GNB1: variants seen among roughly 807,000 people sequenced by gnomAD.
GNB1 encodes the protein G protein subunit beta 1.
A neutral mutation model predicts 42.9 loss-of-function variants in GNB1; 2 were observed. The observed-to-expected ratio is 0.05, with a 90% CI of 0.02 to 0.15. The LOEUF (loss-of-function observed/expected upper bound fraction) is 0.15, where lower values mean the gene tolerates loss of function less well. GNB1 is among the 10% of genes least tolerant of loss of function. GNB1 has a pLI of 1.00. For synonymous variants in GNB1, 183 were observed against 174.7 expected (o/e 1.05, Z -0.38); for missense variants, 193 against 462.2 (o/e 0.42, Z 5.34).
intron 7 of GNB1, among the ~76,000 whole-genome samples, chr1:1,803,225 G>A (rs1336928312): frequency 6.6e-6 from 1 of 152,228 alleles, no homozygotes; most frequent in Non-Finnish European, 1.5e-5. Flanking sequence ...TGCCTTTCAT[G>A]ATGAATTAGT....
intron 6 of GNB1, among the ~76,000 whole-genome samples, chr1:1,804,850 G>A (rs1310760612): frequency 2.0e-5 from 3 of 152,200 alleles, no homozygotes; most frequent in Non-Finnish European, 4.4e-5. Flanking sequence ...CTTAACAGTA[G>A]TGCTGCCCAC....
intron 3 of GNB1, among the ~76,000 whole-genome samples, chr1:1,819,125 C>T (rs146495501): frequency 3.3e-5 from 5 of 151,642 alleles, no homozygotes; most frequent in South Asian, 4.2e-4. Context: ...AGAGAACGTA[C>T]GTTTAGAAAT....
At chr1:1,816,392 T>C (rs925637102) in intron 4 of GNB1, among the ~76,000 whole-genome samples, 1 of 152,174 alleles carries the variant, frequency 6.6e-6, no homozygotes, top group Admixed American at 6.5e-5. Flanking sequence ...TGAGTTTAGG[T>C]TGGCAAACGG....
chr1:1,815,825 A>G lies in GNB1; in HGVS notation c.134T>C (p.Met45Thr), dbSNP rs755237620. ...CCCCCGCAGTGTCCTCCTCGTGCGCATTTGGATTCTTCCCACTGGGTCGAT... is the reference window on the plus strand; with the variant it reads ...CCCCCGCAGTGTCCTCCTCGTGCGCGTTTGGATTCTTCCCACTGGGTCGAT... ...NNIDPVGRIQ[M>T]RTRRTLRGHL... Residue 45 changes from methionine to threonine, a missense_variant, in exon 5 of 12, where the codon ATG (methionine) becomes ACG (threonine). Met to Thr is a moderately conservative substitution (Grantham distance 81). Transcript: ENST00000378609. The G allele has an allele frequency of 6.2e-7, 1 of 1,610,762 alleles. No homozygotes were observed. The highest frequency in any genetic ancestry group is 8.5e-7 in the Non-Finnish European group (1 of 1,176,912).
intron 1 of GNB1, among the ~76,000 whole-genome samples, chr1:1,889,401 A>G (rs935262526): frequency 9.2e-5 from 14 of 152,352 alleles, no homozygotes; most frequent in Admixed American, 3.3e-4. Flanking sequence ...CTATTTACCC[A>G]TAAGTCCAGT....
intron 5 of GNB1, among the ~76,000 whole-genome samples, chr1:1,807,512 C>CAAAAAAAA (rs1646718172): frequency 7.5e-6 from 1 of 132,878 alleles, no homozygotes; most frequent in African/African-American, 3.1e-5. Context: ...AAGAACAAAC[C>CAAAAAAAA]ACTTTTAGAC....
intron 2 of GNB1, among the ~76,000 whole-genome samples, chr1:1,829,004 C>T (rs928552802): frequency 6.6e-6 from 1 of 152,080 alleles, no homozygotes; most frequent in Non-Finnish European, 1.5e-5. Flanking sequence ...TCAGGCATTT[C>T]AATTTTTTTA....
intron 2 of GNB1, among the ~76,000 whole-genome samples, chr1:1,826,650 C>T (rs1275542198): frequency 5.9e-5 from 9 of 152,128 alleles, no homozygotes; most frequent in Non-Finnish European, 1.3e-4. Context: ...CCCACTCTCC[C>T]ACCCAAGTGA....
chr1:1,828,550 T>A (rs1410260013), intron 2 of GNB1, among the ~76,000 whole-genome samples: 2 of 152,184 alleles, frequency 1.3e-5, no homozygotes, highest in African/African-American at 4.8e-5. Context: ...ATGAGCTCAA[T>A]ATAACTTAGT....
intron 2 of GNB1, among the ~76,000 whole-genome samples, chr1:1,826,865 CAAGATCTTAGCTGTTAATGTATGACTG>C (rs1235258877): frequency 6.6e-6 from 1 of 152,100 alleles, no homozygotes; most frequent in African/African-American, 2.4e-5. Flanking sequence ...CATTTCTGAC[CAAGATCTTAGCTGTTAATGTATGACTG>C]AAGATCTTGG....
At chr1:1,810,658 T>G (rs1570650784) in intron 5 of GNB1, among the ~76,000 whole-genome samples, 1 of 150,794 alleles carries the variant, frequency 6.6e-6, no homozygotes, top group Non-Finnish European at 1.5e-5. Context: ...GGGCCTTGCA[T>G]GTAGTTTTCT....
At chr1:1,813,972 T>C (rs891175670) in intron 5 of GNB1, among the ~76,000 whole-genome samples, 3 of 152,222 alleles carry the variant, frequency 2.0e-5, no homozygotes, top group Admixed American at 6.5e-5. Context: ...TTACTAACAA[T>C]TTTGAAACAC....
At chr1:1,824,701 T>G (rs553645663) in intron 3 of GNB1, among the ~76,000 whole-genome samples, 2 of 152,156 alleles carry the variant, frequency 1.3e-5, no homozygotes, top group East Asian at 3.9e-4. Context: ...GCCTCCTGAG[T>G]AGCTGGGAAT....
intron 3 of GNB1, 95 bp from the exon 4 acceptor site, chr1:1,817,970 C>A: frequency 1.1e-6 from 1 of 928,716 alleles, no homozygotes; most frequent in Non-Finnish European, 1.8e-6. Flanking sequence ...CTTTCCTAAG[C>A]TGTCAGGAGC....
intron 1 of GNB1, among the ~76,000 whole-genome samples, chr1:1,864,350 C>G (rs12036384): frequency 8.2e-6 from 1 of 122,376 alleles, no homozygotes; most frequent in Non-Finnish European, 1.8e-5. Flanking sequence ...GAAAACCCCA[C>G]GAAAAAACTA....
rs186894090 is a variant in GNB1 at position 1,790,584 on chromosome 1, G to A, written c.510C>T (p.Asp170=). The change falls in exon 9 of 12, where the codon GAC becomes GAT. Residue 170 remains aspartate (D), a synonymous_variant. Coordinates refer to ENST00000378609, the MANE Select transcript of GNB1 (RefSeq NM_002074.5). The surrounding 1 kb of genome is among the most constrained non-coding windows in gnomAD (Gnocchi z 5.4). ...SSGDTTCALW[D]IETGQQTTTF... ...TGGTCGTCTGCTGGCCGGTCTCGATGTCCCACAGGGCACTGGAGCAGGAGC... is the reference window on the plus strand; with the variant it reads ...TGGTCGTCTGCTGGCCGGTCTCGATATCCCACAGGGCACTGGAGCAGGAGC... 13 of 1,612,392 alleles carry A rather than the reference G, an allele frequency of 8.1e-6. No homozygotes were observed. In the African/African-American group the frequency reaches 1.7e-4, roughly 22 times the overall value.
intron 1 of GNB1, among the ~76,000 whole-genome samples, chr1:1,848,484 A>G (rs984108489): frequency 2.0e-5 from 3 of 152,064 alleles, no homozygotes; most frequent in Non-Finnish European, 2.9e-5. Context: ...ACCTCCATCC[A>G]AGACAGCAAG....
chr1:1,800,769 A>T (rs1041858320), intron 7 of GNB1, among the ~76,000 whole-genome samples: 2 of 151,888 alleles, frequency 1.3e-5, no homozygotes, highest in Non-Finnish European at 2.9e-5. Flanking sequence ...AAAAAAAAAA[A>T]AAGAAAAATA....
Position 1,786,915 on chromosome 1 carries a change from T to C in GNB1, c.*148A>G, listed in dbSNP as rs1458406683. 6.5e-6 allele frequency: 1 copy of C among 153,222 alleles called. No individual in the cohort carries two copies. Among genetic ancestry groups the C allele is most frequent in the African/African-American group, 2.4e-5 (1 of 41,450 alleles). 9.5% of individuals were successfully genotyped at this position (153,222 alleles called of 1,614,324 possible). A position where few individuals can be genotyped will look rare whatever the true frequency, so the allele number is the denominator to read the frequency against. On this transcript the variant is annotated 3_prime_UTR_variant, in exon 12 of 12. Transcript: ENST00000378609. ...TTGTGCTCTTGGTTTCAGCAATAAG[T>C]GAAGGAAAAAAGATCTTGCCCTTTT...
Sources: gnomAD v4.1 joint callset for allele counts (sites outside exome capture counted in the v4.1 genomes callset) on GRCh38, gnomAD v4.1.1 for gene constraint, Gnocchi (gnomAD v3.1) non-coding constraint, MANE v1.5 for transcripts, NCBI Gene and HGNC (gene_info 2026-07-23, HGNC 2026-07-21) for gene names.